Variants in KCNT2 observed in about 807,000 individuals in gnomAD.
KCNT2 encodes potassium sodium-activated channel subfamily T member 2.
In KCNT2, 67 loss-of-function variants were observed where a neutral mutation model predicts 153.8. The ratio of observed to expected loss-of-function variants is 0.44; its 90% confidence interval spans 0.36 to 0.53. The LOEUF (loss-of-function observed/expected upper bound fraction) is 0.53, where lower values mean the gene tolerates loss of function less well. Among genes scored for constraint, KCNT2 ranks in the 20% least tolerant of loss-of-function variants. KCNT2 has a pLI of 0.00. For synonymous variants in KCNT2, 500 were observed against 458.8 expected (o/e 1.09, Z -1.15); for missense variants, 975 against 1,354.8 (o/e 0.72, Z 4.40).
chr1:196,602,531 T>C (rs1664837289), intron 1 of KCNT2, among the ~76,000 whole-genome samples: 1 of 152,120 alleles, frequency 6.6e-6, no homozygotes, highest in Non-Finnish European at 1.5e-5. Flanking sequence ...CATAACCAAA[T>C]GCAGAAAGTG....
intron 1 of KCNT2, among the ~76,000 whole-genome samples, chr1:196,557,619 C>T (rs1572823391): frequency 6.6e-6 from 1 of 150,656 alleles, no homozygotes; most frequent in East Asian, 2.0e-4. Flanking sequence ...CCATCATGTA[C>T]ACAAGGTTTA....
chr1:196,378,731 T>C (rs866605350), intron 13 of KCNT2, among the ~76,000 whole-genome samples: 1 of 147,970 alleles, frequency 6.8e-6, no homozygotes, highest in African/African-American at 2.5e-5. Flanking sequence ...ATATAATATA[T>C]AATAATTTAA....
Position 196,276,524 on chromosome 1 carries a change from G to T in KCNT2, c.2910+4336C>A, listed in dbSNP as rs578037027. Among the ~76,000 whole-genome samples, 46 of 152,006 alleles carry T rather than the reference G, an allele frequency of 3.0e-4. No individual in the cohort carries two copies. In the South Asian group the frequency reaches 9.1e-3, roughly 30 times the overall value. ...TCTAGGTCTCCCTTTATGCTTGGGGGTCTTTACATCACCATCCTATTGATC... is the reference window on the plus strand; with the variant it reads ...TCTAGGTCTCCCTTTATGCTTGGGGTTCTTTACATCACCATCCTATTGATC... On this transcript the variant is annotated intron_variant, in intron 25 of 27. Coordinates refer to ENST00000294725, the MANE Select transcript of KCNT2 (RefSeq NM_198503.5).
chr1:196,370,272 A>C (rs1668408290), intron 14 of KCNT2, among the ~76,000 whole-genome samples: 1 of 152,164 alleles, frequency 6.6e-6, no homozygotes, highest in Non-Finnish European at 1.5e-5. Flanking sequence ...ACTCAAATGT[A>C]AATAAAGTGA....
chr1:196,414,244 C>T (rs1226135482), intron 12 of KCNT2, among the ~76,000 whole-genome samples: 1 of 151,664 alleles, frequency 6.6e-6, no homozygotes, highest in African/African-American at 2.4e-5. Flanking sequence ...TAAAAAACTA[C>T]ATTATACTCT....
chr1:196,545,008 A>G (rs1052574650), intron 1 of KCNT2, among the ~76,000 whole-genome samples: 1 of 152,090 alleles, frequency 6.6e-6, no homozygotes, highest in African/African-American at 2.4e-5. Context: ...AAAAAGGGGG[A>G]AAAAACATTA....
intron 13 of KCNT2, among the ~76,000 whole-genome samples, chr1:196,384,443 G>A (rs1196753555): frequency 6.6e-6 from 1 of 152,098 alleles, no homozygotes; most frequent in East Asian, 1.9e-4. Flanking sequence ...TGTAATCTTA[G>A]CACTTTTGGA....
intron 22 of KCNT2, among the ~76,000 whole-genome samples, chr1:196,286,245 A>G (rs1659647443): frequency 6.6e-6 from 1 of 152,116 alleles, no homozygotes; most frequent in Non-Finnish European, 1.5e-5. Context: ...TAATAGTATT[A>G]GGAAGTGAAG....
rs529822108 is a variant in KCNT2, at chr1:196,351,916, G to C, written c.1404-9688C>G. ...TTTATTGACAGTTTTTAGCATGAAG[G>C]GTTGTTGAATTTTGTCAATGGCCTT... On this transcript the variant is annotated intron_variant, in intron 14 of 27. Coordinates refer to ENST00000294725, the MANE Select transcript of KCNT2 (RefSeq NM_198503.5). Among the ~76,000 whole-genome samples, 845 of 152,064 alleles carry C rather than the reference G, an allele frequency of 5.6e-3. 5 individuals are homozygous for C. Among genetic ancestry groups the C allele is most frequent in the African/African-American group, 0.019 (802 of 41,522 alleles).
intron 21 of KCNT2, among the ~76,000 whole-genome samples, chr1:196,312,392 A>G (rs956017700): frequency 6.6e-6 from 1 of 151,716 alleles, no homozygotes; most frequent in South Asian, 2.1e-4. Flanking sequence ...CCTCCGCGAG[A>G]AAAATAAATA....
chr1:196,321,882 G>A (rs1558143104), intron 19 of KCNT2, among the ~76,000 whole-genome samples: 1 of 151,934 alleles, frequency 6.6e-6, no homozygotes. Context: ...TGTCAACAGT[G>A]TTCATGGCAC....
At chr1:196,465,229 T>C (rs1362338271) in intron 8 of KCNT2, 64 bp downstream of exon 8, 4 of 851,622 alleles carry the variant, frequency 4.7e-6, no homozygotes, top group African/African-American at 3.4e-5. Flanking sequence ...ATTTATAATA[T>C]GGTTTCCTTT....
At chr1:196,605,570 T>C (rs555843290) in intron 1 of KCNT2, among the ~76,000 whole-genome samples, 16 of 152,252 alleles carry the variant, frequency 1.1e-4, no homozygotes, top group Admixed American at 7.2e-4. Flanking sequence ...TTTGAGAATA[T>C]GGGCAGAGCA....
At chr1:196,566,641 C>A (rs1572850194) in intron 1 of KCNT2, among the ~76,000 whole-genome samples, 1 of 151,746 alleles carries the variant, frequency 6.6e-6, no homozygotes, top group African/African-American at 2.4e-5. Context: ...GGAAGTTTAC[C>A]CATAGTTTCA....
intron 1 of KCNT2, among the ~76,000 whole-genome samples, chr1:196,510,800 C>A (rs900404768): frequency 5.3e-5 from 8 of 152,244 alleles, no homozygotes; most frequent in African/African-American, 1.9e-4. Flanking sequence ...ACACCTCTCC[C>A]AGGACAGCCT....
rs191470291 is a variant in KCNT2 at position 196,228,059 on chromosome 1, G to T, written c.*165C>A. 7.0e-5 allele frequency: 37 copies of T among 531,588 alleles called. No individual in the cohort carries two copies. The highest frequency in any genetic ancestry group is 6.4e-4 in the African/African-American group (33 of 51,294). 32.9% of individuals were successfully genotyped at this position (531,588 alleles called of 1,614,324 possible). On this transcript the variant is annotated 3_prime_UTR_variant, in exon 28 of 28. Transcript: ENST00000294725. ...ATATTAATAGGGAGAGTACCAGTAA[G>T]TAGTACATTAAGTTTCAAAATGATC...
chr1:196,595,540 T>G (rs991395075), intron 1 of KCNT2, among the ~76,000 whole-genome samples: 1 of 152,136 alleles, frequency 6.6e-6, no homozygotes, highest in African/African-American at 2.4e-5. Flanking sequence ...CTGATATAAA[T>G]GACATAACGT....
rs1428793060 is a variant in KCNT2, at chr1:196,429,645, C to T, written c.751G>A (p.Glu251Lys). 6.2e-7 allele frequency: 1 copy of T among 1,613,014 alleles called. No homozygotes were observed. Among genetic ancestry groups the T allele is most frequent in the Non-Finnish European group, 8.5e-7 (1 of 1,179,354 alleles). The stretch of plus-strand genomic sequence containing the variant: ...ACAAAAAGCTTGGAGGACCATGTTT[C>T]AGGAGTGACATCCCCGAAGCCCACA... ...STVGFGDVTP[E>K]TWSSKLFVVA... The change falls in exon 9 of 28, where the codon GAA becomes AAA. Residue 251 changes from glutamate to lysine, a missense_variant. Physicochemically the swap from Glu to Lys is moderately conservative, Grantham distance 56. Transcript: ENST00000294725.
intron 14 of KCNT2, among the ~76,000 whole-genome samples, chr1:196,358,708 C>T (rs1383264504): frequency 1.3e-5 from 2 of 151,808 alleles, no homozygotes; most frequent in Non-Finnish European, 2.9e-5. Flanking sequence ...TCTATGTTTA[C>T]TAATGAGTGT....
Sources: allele counts gnomAD v4.1 joint callset (sites outside exome capture counted in the v4.1 genomes callset), GRCh38; gene constraint gnomAD v4.1.1; transcripts MANE v1.5; gene names NCBI Gene and HGNC (gene_info 2026-07-23, HGNC 2026-07-21).